The following AGBL1 variants were observed in gnomAD, a reference collection of about 807,000 sequenced individuals.
AGBL1 encodes cytosolic carboxypeptidase 4.
In AGBL1, 130 loss-of-function variants were observed where a neutral mutation model predicts 118.9. That is an observed-to-expected ratio of 1.09 (90% confidence interval 0.95 to 1.26). AGBL1 has a LOEUF of 1.26. AGBL1 is among the 50% of genes most tolerant of loss of function. AGBL1 has a pLI of 0.00. For missense variants in AGBL1, 1,584 were observed against 1,298.1 expected, an observed-to-expected ratio of 1.22 and a Z score of -3.38; for synonymous variants, 555 against 478.9, an observed-to-expected ratio of 1.16 and a Z score of -2.08.
At chr15:86,636,418 C>T (rs1364841305) in intron 21 of AGBL1, among the ~76,000 whole-genome samples, 16 of 150,900 alleles carry the variant, frequency 1.1e-4, no homozygotes, top group Admixed American at 6.0e-4. Context: ...TGAAACATTC[C>T]GATTTAAAAC....
intron 22 of AGBL1, among the ~76,000 whole-genome samples, chr15:86,722,692 A>G (rs1240474703): frequency 2.0e-5 from 3 of 152,350 alleles, no homozygotes; most frequent in Admixed American, 2.0e-4. Context: ...CTGCACAACA[A>G]AAGAAACTAT....
chr15:86,154,447 A>T lies in AGBL1; in HGVS notation c.280A>T (p.Lys94Ter). ...VGLRDKKIGRKALELEALDVT... is the reference protein window; with the variant it reads ...VGLRDKKIGR ...GTTCTTAGATAAAAAGATTGGACGG[A>T]AGGCCCTAGAATTGGAAGCACTTGA... The change falls in exon 4 of 23, where the codon AAG (lysine) becomes TAG (stop). Residue 94 changes from lysine (K) to a stop codon, truncating the protein, a stop_gained. Transcript: ENST00000614907. LOFTEE classifies it high-confidence loss of function. The T allele has an allele frequency of 6.2e-7, 1 of 1,612,550 alleles. No homozygotes were observed. Among genetic ancestry groups the T allele is most frequent in the Non-Finnish European group, 8.5e-7 (1 of 1,179,304 alleles).
rs960517637 is a variant in AGBL1, at chr15:86,079,972, G to A, written c.-1G>A. On this transcript the variant is annotated 5_prime_UTR_variant, in exon 1 of 23. Coordinates refer to ENST00000614907, the MANE Select transcript of AGBL1 (RefSeq NM_001386094.1). The stretch of plus-strand genomic sequence containing the variant: ...GCGGTTCCCTAGGACCCGAGAAAAG[G>A]ATGGCCGAACAAGAAGCTAGTGGGC... 38 of 1,232,076 alleles carry A rather than the reference G, an allele frequency of 3.1e-5. No homozygotes were observed. The highest frequency in any genetic ancestry group is 3.8e-5 in the Non-Finnish European group (38 of 988,010). The allele number at this position is 1,232,076 out of a possible 1,614,324, so 76.3% of individuals were successfully genotyped here.
intron 1 of AGBL1, among the ~76,000 whole-genome samples, chr15:86,130,826 A>G (rs1385540321): frequency 6.6e-6 from 1 of 152,050 alleles, no homozygotes; most frequent in Admixed American, 6.6e-5. Context: ...TTTTTCTCAC[A>G]TTTTGGTGGT....
At chr15:86,508,005 CTTT>C (rs397853754) in intron 18 of AGBL1, among the ~76,000 whole-genome samples, 6 of 126,572 alleles carry the variant, frequency 4.7e-5, no homozygotes, top group African/African-American at 1.2e-4. Flanking sequence ...AGTGATTTGC[CTTT>C]TTTTTTTTTT....
intron 17 of AGBL1, chr15:86,316,786 G>C (rs2080019385): frequency 6.6e-6 from 1 of 152,306 alleles, no homozygotes; most frequent in Admixed American, 6.5e-5. Context: ...TCTGCTGTGT[G>C]AATCTCCAGT....
intron 21 of AGBL1, among the ~76,000 whole-genome samples, chr15:86,568,404 A>G (rs2083949604): frequency 6.6e-6 from 1 of 152,162 alleles, no homozygotes; most frequent in South Asian, 2.1e-4. Flanking sequence ...CAGGATCTCT[A>G]GAGGGCCCTT....
At chr15:86,455,495 T>C (rs1383005491) in intron 18 of AGBL1, among the ~76,000 whole-genome samples, 1 of 152,204 alleles carries the variant, frequency 6.6e-6, no homozygotes, top group South Asian at 2.1e-4. Flanking sequence ...AAAATTGTTA[T>C]GATTATATCT....
intron 17 of AGBL1, among the ~76,000 whole-genome samples, chr15:86,396,098 T>C (rs2081356407): frequency 6.7e-6 from 1 of 149,772 alleles, no homozygotes; most frequent in Non-Finnish European, 1.5e-5. Flanking sequence ...AGTATTCTAT[T>C]GTATCTATGT....
intron 22 of AGBL1, among the ~76,000 whole-genome samples, chr15:86,805,888 G>A (rs1050055697): frequency 6.6e-6 from 1 of 152,082 alleles, no homozygotes; most frequent in African/African-American, 2.4e-5. Context: ...CCCAATAGAA[G>A]CAGGGAAAAC....
intron 5 of AGBL1, 30 bp downstream of exon 5, chr15:86,159,056 C>G (rs2077231672): frequency 6.3e-7 from 1 of 1,592,338 alleles, no homozygotes; most frequent in South Asian, 1.1e-5. Context: ...ACTTCTGCCC[C>G]TTTTGTAACA....
At chr15:86,968,160 C>A (rs1259140306) in intron 23 of AGBL1, among the ~76,000 whole-genome samples, 3 of 151,766 alleles carry the variant, frequency 2.0e-5, no homozygotes, top group Non-Finnish European at 4.4e-5. Context: ...GAGGGTCACC[C>A]AAAATCATTT....
chr15:86,511,232 A>T (rs1340827310), intron 18 of AGBL1, among the ~76,000 whole-genome samples: 2 of 152,090 alleles, frequency 1.3e-5, no homozygotes, highest in African/African-American at 4.8e-5. Context: ...AAGATTTCTA[A>T]GGCTTATGGT....
intron 17 of AGBL1, among the ~76,000 whole-genome samples, chr15:86,299,168 A>G (rs1213840111): frequency 6.6e-6 from 1 of 152,112 alleles, no homozygotes; most frequent in Non-Finnish European, 1.5e-5. Context: ...AAGACTTACT[A>G]CTTTACACCT....
intron 22 of AGBL1, among the ~76,000 whole-genome samples, chr15:86,745,033 A>G (rs1027734016): frequency 1.4e-4 from 22 of 152,122 alleles, no homozygotes; most frequent in Admixed American, 1.3e-4. Flanking sequence ...CACTGGGGGA[A>G]GACAAGGTAA....
exon 25 of AGBL1, chr15:87,028,885 GC>G: frequency 6.3e-7 from 1 of 1,575,234 alleles, no homozygotes; most frequent in Non-Finnish European, 8.7e-7. Context: ...CATGCCATGT[GC>G]CCAGCTCCTC....
intron 1 of AGBL1, among the ~76,000 whole-genome samples, chr15:86,122,738 A>C (rs1451364753): frequency 6.6e-6 from 1 of 152,198 alleles, no homozygotes; most frequent in Non-Finnish European, 1.5e-5. Flanking sequence ...TAACCAACTG[A>C]GTGGACCCTT....
chr15:86,553,813 G>T (rs1478399396), intron 20 of AGBL1, among the ~76,000 whole-genome samples: 2 of 152,022 alleles, frequency 1.3e-5, no homozygotes, highest in African/African-American at 2.4e-5. Context: ...TTGGCATTTG[G>T]ATTCCTTTCT....
At chr15:86,244,537 G>T (rs1048283211) in intron 6 of AGBL1, among the ~76,000 whole-genome samples, 1 of 151,826 alleles carries the variant, frequency 6.6e-6, no homozygotes, top group African/African-American at 2.4e-5. Context: ...GGGGAAGGAG[G>T]TTTAGCTATT....
Sources: allele counts gnomAD v4.1 joint callset (sites outside exome capture counted in the v4.1 genomes callset), GRCh38; gene constraint gnomAD v4.1.1; transcripts MANE v1.5; gene names NCBI Gene and HGNC (gene_info 2026-07-23, HGNC 2026-07-21).